LGR6: variants seen among roughly 807,000 people sequenced by gnomAD.
LGR6 encodes leucine rich repeat containing G protein-coupled receptor 6, also known as leucine-rich repeat-containing G protein-coupled receptor 6.
Under a neutral mutation model 69.4 loss-of-function variants are expected in LGR6, and 45 were observed. That is an observed-to-expected ratio of 0.65 (90% CI 0.51 to 0.83). LGR6 has a LOEUF of 0.83. Among genes scored for constraint, LGR6 ranks in the 40% least tolerant of loss-of-function variants. The pLI, the probability that LGR6 is intolerant of heterozygous loss-of-function variation, is 0.00. For missense variants in LGR6, 1,108 were observed against 1,246.7 expected, an observed-to-expected ratio of 0.89 and a Z score of 1.68; for synonymous variants, 538 against 555.0, an observed-to-expected ratio of 0.97 and a Z score of 0.43.
chr1:202,226,538 A>C (rs1215501777), intron 2 of LGR6, among the ~76,000 whole-genome samples: 2 of 151,962 alleles, frequency 1.3e-5, no homozygotes, highest in Non-Finnish European at 2.9e-5. Context: ...GATGCGGTCA[A>C]CCTGCCCCTG....
At chr1:202,269,344 A>G (rs1452297686) in intron 4 of LGR6, among the ~76,000 whole-genome samples, 1 of 152,162 alleles carries the variant, frequency 6.6e-6, no homozygotes, top group Non-Finnish European at 1.5e-5. Context: ...AGCCCACTAA[A>G]TTCAGCAACC....
intron 4 of LGR6, among the ~76,000 whole-genome samples, chr1:202,256,196 A>G (rs1458042679): frequency 3.3e-5 from 5 of 152,158 alleles, no homozygotes; most frequent in Admixed American, 3.3e-4. Flanking sequence ...AGGTTCATCC[A>G]TGTGTATATT....
chr1:202,202,813 C>T (rs1395178246), intron 1 of LGR6, among the ~76,000 whole-genome samples: 2 of 152,216 alleles, frequency 1.3e-5, no homozygotes, highest in African/African-American at 4.8e-5. Flanking sequence ...GGACACAATT[C>T]CTCTCACCCT....
chr1:202,258,797 T>C (rs916195883), intron 4 of LGR6, among the ~76,000 whole-genome samples: 3 of 152,082 alleles, frequency 2.0e-5, no homozygotes, highest in Non-Finnish European at 4.4e-5. Context: ...CTTATTTCTG[T>C]TTCCTGTCTT....
At chr1:202,281,645 G>T (rs2148184778) in intron 6 of LGR6, among the ~76,000 whole-genome samples, 1 of 152,252 alleles carries the variant, frequency 6.6e-6, no homozygotes, top group East Asian at 1.9e-4. Flanking sequence ...GCCTCGGAGA[G>T]GGTCGATGGG....
At chr1:202,271,199 G>T (rs1665068541) in intron 4 of LGR6, among the ~76,000 whole-genome samples, 1 of 152,162 alleles carries the variant, frequency 6.6e-6, no homozygotes, top group Non-Finnish European at 1.5e-5. Flanking sequence ...ACGGGGAGCT[G>T]CTTAAAAAGG....
Position 202,276,446 on chromosome 1 carries a change from C to G in LGR6, c.569C>G (p.Ala190Gly), listed in dbSNP as rs1665563036. The change falls in exon 5 of 18, where the codon GCC becomes GGC. Residue 190 changes from alanine to glycine, a missense_variant. Physicochemically the swap from Ala to Gly is moderately conservative, Grantham distance 60 (BLOSUM62 0). Coordinates refer to ENST00000367278, the MANE Select transcript of LGR6 (RefSeq NM_001017403.2). ...CTCAACAACCTCCCTGCCCTGCAGG[C>G]CATGACCCTGGCCCTCAACCGCATC... is the stretch of plus-strand genomic sequence containing the variant. ...RALNNLPALQ[A>G]MTLALNRISH... 6.2e-7 allele frequency: 1 copy of G among 1,614,198 alleles called. No homozygotes were observed. Among genetic ancestry groups the G allele is most frequent in the Admixed American group, 1.7e-5 (1 of 60,032 alleles).
intron 1 of LGR6, among the ~76,000 whole-genome samples, chr1:202,211,123 CT>C (rs1162947494): frequency 6.6e-6 from 1 of 152,232 alleles, no homozygotes; most frequent in African/African-American, 2.4e-5. Flanking sequence ...GGAGAGAAGC[CT>C]GGCAACACCA....
chr1:202,241,949 A>G (rs1478675330), intron 4 of LGR6, among the ~76,000 whole-genome samples: 1 of 152,126 alleles, frequency 6.6e-6, no homozygotes, highest in East Asian at 1.9e-4. Flanking sequence ...CCAAGGCAGA[A>G]CTACCCCAAC....
At chr1:202,280,008 A>C (rs1252978566) in intron 5 of LGR6, among the ~76,000 whole-genome samples, 2 of 152,170 alleles carry the variant, frequency 1.3e-5, no homozygotes, top group African/African-American at 4.8e-5. Flanking sequence ...TTCCTGGTTC[A>C]TTAGTCATCT....
chr1:202,219,563 G>A (rs572004035), intron 1 of LGR6, among the ~76,000 whole-genome samples: 2 of 152,328 alleles, frequency 1.3e-5, no homozygotes, highest in African/African-American at 4.8e-5. Flanking sequence ...CTTTATAGAG[G>A]TTAGGCCATT....
chr1:202,247,982 GC>G (rs1662876277), intron 4 of LGR6, among the ~76,000 whole-genome samples: 1 of 152,196 alleles, frequency 6.6e-6, no homozygotes. Context: ...AGGGTCGGGG[GC>G]TGGGAAAGTG....
At chr1:202,307,057 C>G in intron 13 of LGR6, 118 bp downstream of exon 13, 1 of 877,464 alleles carries the variant, frequency 1.1e-6, no homozygotes, top group Non-Finnish European at 1.8e-6. Flanking sequence ...ACATCGCCTC[C>G]CAGCTCCACA....
chr1:202,284,546 G>A (rs868222300), intron 6 of LGR6, among the ~76,000 whole-genome samples: 15 of 152,264 alleles, frequency 9.9e-5, no homozygotes, highest in Middle Eastern at 6.8e-3. Context: ...TCAATCATAG[G>A]ACTTCCCAGG....
rs1214425271 is a variant in LGR6, at chr1:202,219,921, G to C, written c.213-5502G>C. Among the ~76,000 whole-genome samples, 3 of 151,980 alleles carry C rather than the reference G, an allele frequency of 2.0e-5. No homozygotes were observed. In the East Asian group the frequency reaches 5.8e-4, roughly 29 times the overall value. On this transcript the variant is annotated intron_variant, in intron 1 of 17. Coordinates refer to ENST00000367278, the MANE Select transcript of LGR6 (RefSeq NM_001017403.2). ...AGACAGTTTCATTCTTGTTGCCCAGGCTGGGGTACAGTGGCATGATCTTGA... is the reference window on the plus strand; with the variant it reads ...AGACAGTTTCATTCTTGTTGCCCAGCCTGGGGTACAGTGGCATGATCTTGA...
chr1:202,284,954 C>A (rs1177993492), intron 6 of LGR6, among the ~76,000 whole-genome samples: 1 of 152,198 alleles, frequency 6.6e-6, no homozygotes, highest in Non-Finnish European at 1.5e-5. Flanking sequence ...GCTGGCTGGA[C>A]ACTTCCCTTT....
Position 202,319,347 on chromosome 1 carries a change from G to A in LGR6, c.*140G>A, listed in dbSNP as rs2148332793. 1.1e-6 allele frequency: 1 copy of A among 917,798 alleles called. No homozygotes were observed. Among genetic ancestry groups the A allele is most frequent in the Non-Finnish European group, 1.6e-6 (1 of 631,436 alleles). The allele number at this position is 917,798 out of a possible 1,614,324, so 56.9% of individuals were successfully genotyped here. ...GGATGGCCCAGTCCCTGGCTCCACTGATCACCTCTCTCCTGTGACCATCAC... is the reference window on the plus strand; with the variant it reads ...GGATGGCCCAGTCCCTGGCTCCACTAATCACCTCTCTCCTGTGACCATCAC... On this transcript the variant is annotated 3_prime_UTR_variant, in exon 18 of 18. Transcript: ENST00000367278.
intron 5 of LGR6, among the ~76,000 whole-genome samples, chr1:202,279,693 G>C (rs780257274): frequency 6.6e-6 from 1 of 152,164 alleles, no homozygotes; most frequent in Non-Finnish European, 1.5e-5. Context: ...AATTATGTTT[G>C]TGTTAAATCA....
chr1:202,211,741 C>CGG, intron 1 of LGR6, among the ~76,000 whole-genome samples: 2 of 152,258 alleles, frequency 1.3e-5, no homozygotes, highest in Non-Finnish European at 2.9e-5. Flanking sequence ...TGGTACATTT[C>CGG]CATAAGCAAA....
Sources: gnomAD v4.1 joint callset for allele counts (sites outside exome capture counted in the v4.1 genomes callset) on GRCh38, gnomAD v4.1.1 for gene constraint, MANE v1.5 for transcripts, NCBI Gene and HGNC (gene_info 2026-07-23, HGNC 2026-07-21) for gene names.